The following CLU variants were observed in gnomAD, a reference collection of about 807,000 sequenced individuals.
CLU encodes clusterin.
CLU carries 25 observed loss-of-function variants against 46.4 expected under a neutral mutation model. The observed-to-expected ratio is 0.54, with a 90% CI of 0.39 to 0.75. CLU has a LOEUF of 0.75. Ranked by LOEUF, CLU falls within the 30% of genes least tolerant of loss-of-function variation. The pLI, the probability that CLU is intolerant of heterozygous loss-of-function variation, is 0.00. For missense variants in CLU, 504 were observed against 592.1 expected (o/e 0.85, Z 1.54); for synonymous variants, 235 against 235.1 (o/e 1.00, Z 0.00).
At position 27,604,387 on chromosome 8, in the gene CLU, C is replaced by T. The variant is rs528753124; in HGVS notation, c.838G>A (p.Asp280Asn). ...ATCTCCCGGCACACAGTCCGGTCAT[C>T]GTCGCCTTCTGGGGACACACGAGGG... ...PPTEFIREGD[D>N]DRTVCREIRH... is the part of the protein sequence containing the mutation. The change falls in exon 6 of 9, where the codon GAT (aspartate) becomes AAT (asparagine). Residue 280 changes from aspartate to asparagine, a missense_variant. Asp to Asn is a conservative substitution (Grantham distance 23). Coordinates refer to ENST00000316403, the MANE Select transcript of CLU (RefSeq NM_001831.4). The T allele has an allele frequency of 8.7e-6, 14 of 1,614,142 alleles. No individual in the cohort carries two copies. In the South Asian group the frequency reaches 1.2e-4, roughly 14 times the overall value.
chr8:27,612,741 C>G (rs1290764148), intron 1 of CLU, among the ~76,000 whole-genome samples: 3 of 151,922 alleles, frequency 2.0e-5, no homozygotes, highest in Admixed American at 2.0e-4. Flanking sequence ...CTCACCTCCC[C>G]CCTCATCTCC....
intron 2 of CLU, among the ~76,000 whole-genome samples, chr8:27,609,656 T>G (rs1203376363): frequency 6.6e-6 from 1 of 152,154 alleles, no homozygotes; most frequent in Non-Finnish European, 1.5e-5. Context: ...ACACTTCATG[T>G]GCAGTTTACA....
chr8:27,614,623 G>T (rs1480960035), intron 1 of CLU, 32 bp downstream of exon 1: 1 of 519,634 alleles, frequency 1.9e-6, no homozygotes, highest in Non-Finnish European at 4.0e-6. Context: ...GTGTGGCTCT[G>T]CTCAAGGGTA....
intron 4 of CLU, 120 bp from the exon 5 acceptor site, chr8:27,605,455 G>A: frequency 2.0e-6 from 2 of 1,020,020 alleles, no homozygotes; most frequent in East Asian, 2.6e-5. Context: ...CACACAGCAA[G>A]TGACCAACAG....
At position 27,609,095 on chromosome 8, in the gene CLU, G is replaced by A; in HGVS notation, c.98-9C>T. 1 of 1,613,658 alleles carries A rather than the reference G, an allele frequency of 6.2e-7. No individual in the cohort carries two copies. Among genetic ancestry groups the A allele is most frequent in the Non-Finnish European group, 8.5e-7 (1 of 1,180,012 alleles). Reference sequence around the variant, plus strand: ...TCCCTGATTGGACATTTCTGCAAGAGAAGTGCAAGAGGCAGAATGAGGCGA... The same window carrying A: ...TCCCTGATTGGACATTTCTGCAAGAAAAGTGCAAGAGGCAGAATGAGGCGA... On this transcript the variant is annotated splice_polypyrimidine_tract_variant and intron_variant, in intron 2 of 8. Coordinates refer to ENST00000316403, the MANE Select transcript of CLU (RefSeq NM_001831.4).
intron 6 of CLU, among the ~76,000 whole-genome samples, chr8:27,602,580 G>A (rs1433158975): frequency 1.4e-5 from 2 of 147,382 alleles, no homozygotes; most frequent in Non-Finnish European, 3.0e-5. Context: ...CAGGCTGGGT[G>A]ATAGAGAGAG....
At chr8:27,603,961 T>G (rs1800766533) in intron 6 of CLU, among the ~76,000 whole-genome samples, 1 of 152,238 alleles carries the variant, frequency 6.6e-6, no homozygotes, top group Non-Finnish European at 1.5e-5. Context: ...GCTTGGCGCT[T>G]GGGAACAGAA....
chr8:27,612,761 T>A (rs1800950960), intron 1 of CLU, among the ~76,000 whole-genome samples: 2 of 151,914 alleles, frequency 1.3e-5, no homozygotes, highest in Non-Finnish European at 2.9e-5. Flanking sequence ...CTCTGCCTCC[T>A]GGGAGCCTGG....
At chr8:27,611,819 A>T in intron 1 of CLU, 1 of 452,662 alleles carries the variant, frequency 2.2e-6, no homozygotes, top group South Asian at 1.6e-5. Flanking sequence ...GGGGGCGGAG[A>T]CCGGGCTCAC....
intron 1 of CLU, chr8:27,611,911 CA>C: frequency 2.7e-6 from 1 of 370,438 alleles, no homozygotes; most frequent in South Asian, 2.0e-5. Flanking sequence ...GAGCCTTTGT[CA>C]TGCCAGAGAG....
At position 27,614,698 on chromosome 8, in the gene CLU, C is replaced by A. The variant is rs372521924; in HGVS notation, c.-73G>T. 7 of 533,228 alleles carry A rather than the reference C, an allele frequency of 1.3e-5. No homozygotes were observed. The Admixed American group carries it at 1.4e-4, about 10-fold the overall frequency. 33.0% of individuals were successfully genotyped at this position (533,228 alleles called of 1,614,324 possible). On this transcript the variant is annotated 5_prime_UTR_variant, in exon 1 of 9. Transcript: ENST00000316403. ...GCCCGCGCGCTCCTCCTGGCGACGCCGCGTTGTGGGCACTGGGAGGCGCCG... is the reference window on the plus strand; with the variant it reads ...GCCCGCGCGCTCCTCCTGGCGACGCAGCGTTGTGGGCACTGGGAGGCGCCG...
chr8:27,597,956 G>A lies in CLU; in HGVS notation c.*285C>T, dbSNP rs1220211805. 2 of 645,052 alleles carry A rather than the reference G, an allele frequency of 3.1e-6. No homozygotes were observed. Among genetic ancestry groups the A allele is most frequent in the Non-Finnish European group, 5.7e-6 (2 of 351,330 alleles). 40.0% of individuals were successfully genotyped at this position (645,052 alleles called of 1,614,324 possible). A position where few individuals can be genotyped will look rare whatever the true frequency, so the allele number is the denominator to read the frequency against. On this transcript the variant is annotated 3_prime_UTR_variant, in exon 9 of 9. Coordinates refer to ENST00000316403, the MANE Select transcript of CLU (RefSeq NM_001831.4). ...CCATAGCAAAATGAAGGCATGCCGGGAAGCAGCAACTCAACATAAAAAGAG... is the reference window on the plus strand; with the variant it reads ...CCATAGCAAAATGAAGGCATGCCGGAAAGCAGCAACTCAACATAAAAAGAG...
At position 27,614,620 on chromosome 8, in the gene CLU, T is replaced by C. The variant is rs200653514; in HGVS notation, c.-30+35A>G. On this transcript the variant is annotated intron_variant, in intron 1 of 8. Transcript: ENST00000316403. ...GCCCGCCCATCCGTCCTGGTGTGGC[T>C]CTGCTCAAGGGTAGGGAAGACGGGG... The C allele has an allele frequency of 5.9e-6, 3 of 511,894 alleles. No homozygotes were observed. The East Asian group carries it at 1.7e-4, about 30-fold the overall frequency. 31.7% of individuals were successfully genotyped at this position (511,894 alleles called of 1,614,324 possible).
intron 5 of CLU, 96 bp downstream of exon 5, chr8:27,604,828 T>C (rs1448835196): frequency 6.5e-6 from 9 of 1,385,000 alleles, no homozygotes; most frequent in Admixed American, 5.2e-5. Context: ...GTGATATTGC[T>C]GGAGAAAAAT....
chr8:27,598,485 G>T lies in CLU; in HGVS notation c.1315C>A (p.Leu439Met). 6.2e-7 allele frequency: 1 copy of T among 1,614,102 alleles called. No individual in the cohort carries two copies. Among genetic ancestry groups the T allele is most frequent in the Non-Finnish European group, 8.5e-7 (1 of 1,180,038 alleles). ...KFMETVAEKA[L>M]QEYRKKHREE ...CGGTGCTTTTTGCGGTATTCCTGCA[G>T]CGCTTTCTCCGCCACGGTCTCCATA... Residue 439 changes from leucine to methionine, a missense_variant, in exon 8 of 9, where the codon CTG becomes ATG. By Grantham distance (15) the Leu-to-Met change is conservative. Coordinates refer to ENST00000316403, the MANE Select transcript of CLU (RefSeq NM_001831.4).
At chr8:27,603,049 A>G (rs1027573338) in intron 6 of CLU, among the ~76,000 whole-genome samples, 1 of 152,174 alleles carries the variant, frequency 6.6e-6, no homozygotes. Flanking sequence ...ATAATCAATG[A>G]CTGATAAGAC....
intron 4 of CLU, 71 bp from the exon 5 acceptor site, chr8:27,605,406 TG>T: frequency 6.4e-7 from 1 of 1,555,264 alleles, no homozygotes. Flanking sequence ...TCCCACCCCC[TG>T]GTGAGCCAGG....
chr8:27,597,275 C>T lies in CLU; in HGVS notation c.*966G>A, dbSNP rs753498401. ...AATTCTATCAGAGAATGTTAATGAA[C>T]GAAAAGCCTGAGCTTTAAGACTGAG... On this transcript the variant is annotated 3_prime_UTR_variant, in exon 9 of 9. Transcript: ENST00000316403. The T allele has an allele frequency of 2.4e-5, 11 of 453,964 alleles. No homozygotes were observed. The highest frequency in any genetic ancestry group is 6.9e-5 in the East Asian group (1 of 14,400). The allele number at this position is 453,964 out of a possible 1,614,324, so 28.1% of individuals were successfully genotyped here.
At position 27,597,268 on chromosome 8, in the gene CLU, TAATG is replaced by T. The variant is rs138179912; in HGVS notation, c.*969_*972del. 0.022 allele frequency: 9,801 copies of T among 454,438 alleles called. 800 individuals carry two copies. The highest frequency in any genetic ancestry group is 0.17 in the African/African-American group (8,690 of 50,052). 28.2% of individuals were successfully genotyped at this position (454,438 alleles called of 1,614,324 possible). On this transcript the variant is annotated 3_prime_UTR_variant, in exon 9 of 9. Coordinates refer to ENST00000316403, the MANE Select transcript of CLU (RefSeq NM_001831.4). Reference sequence around the variant, plus strand: ...TGACCAGAATTCTATCAGAGAATGTTAATGAACGAAAAGCCTGAGCTTTAAGACT... The same window carrying T: ...TGACCAGAATTCTATCAGAGAATGTTAACGAAAAGCCTGAGCTTTAAGACT...
Sources: gnomAD v4.1 joint callset for allele counts (sites outside exome capture counted in the v4.1 genomes callset) on GRCh38, gnomAD v4.1.1 for gene constraint, MANE v1.5 for transcripts, NCBI Gene and HGNC (gene_info 2026-07-23, HGNC 2026-07-21) for gene names.